The following RBBP6 variants were observed in gnomAD, a reference collection of about 807,000 sequenced individuals.
RBBP6 encodes E3 ubiquitin-protein ligase RBBP6.
A neutral mutation model predicts 167.7 loss-of-function variants in RBBP6; 25 were observed. The ratio of observed to expected loss-of-function variants is 0.15; its 90% CI spans 0.11 to 0.21. The LOEUF (loss-of-function observed/expected upper bound fraction) is 0.21, where lower values mean the gene tolerates loss of function less well. RBBP6 is among the 10% of genes least tolerant of loss of function. The pLI is 1.00. For missense variants in RBBP6, 1,868 were observed against 2,134.2 expected (o/e 0.88, Z 2.46); for synonymous variants, 789 against 735.8 (o/e 1.07, Z -1.17).
intron 4 of RBBP6, 77 bp downstream of exon 4, chr16:24,553,634 A>G: frequency 8.1e-7 from 1 of 1,227,814 alleles, no homozygotes; most frequent in Non-Finnish European, 1.1e-6. Context: ...CGGTTTTTTA[A>G]GAGGGGTTGG....
chr16:24,549,725 C>A (rs918401120), intron 3 of RBBP6, among the ~76,000 whole-genome samples: 2 of 151,798 alleles, frequency 1.3e-5, no homozygotes, highest in Admixed American at 1.3e-4. Flanking sequence ...ATATTGTTTT[C>A]AAAGTTTAAT....
At chr16:24,568,519 C>T in intron 16 of RBBP6, among the ~76,000 whole-genome samples, 1 of 152,214 alleles carries the variant, frequency 6.6e-6, no homozygotes, top group Non-Finnish European at 1.5e-5. Context: ...TAATGCACTT[C>T]ACTCTAATTG....
intron 3 of RBBP6, chr16:24,549,469 C>T (rs1898744341): frequency 2.6e-6 from 2 of 765,554 alleles, no homozygotes; most frequent in African/African-American, 3.8e-5. Context: ...TGATTTATGG[C>T]TTCCAAAAAC....
intron 4 of RBBP6, 175 bp downstream of exon 4, chr16:24,553,732 T>C (rs2141463625): frequency 4.9e-6 from 2 of 409,044 alleles, no homozygotes; most frequent in Non-Finnish European, 8.7e-6. Context: ...GGGAATACTT[T>C]GTCAGCCTCA....
intron 1 of RBBP6, among the ~76,000 whole-genome samples, 177 bp downstream of exon 1, chr16:24,540,969 G>T (rs1226740526): frequency 6.6e-6 from 1 of 152,018 alleles, no homozygotes; most frequent in Non-Finnish European, 1.5e-5. Flanking sequence ...AGTTTCACTG[G>T]TTTATTTTAT....
intron 2 of RBBP6, among the ~76,000 whole-genome samples, chr16:24,547,993 T>C (rs544597699): frequency 5.3e-5 from 8 of 151,056 alleles, no homozygotes; most frequent in African/African-American, 1.7e-4. Flanking sequence ...AAAATGCATC[T>C]CAGTTTTTTT....
At chr16:24,564,406 C>G (rs1479297538) in intron 13 of RBBP6, among the ~76,000 whole-genome samples, 6 of 152,148 alleles carry the variant, frequency 3.9e-5, no homozygotes, top group Admixed American at 3.9e-4. Context: ...TCCCTAACAT[C>G]CATTTCCTCG....
Position 24,542,264 on chromosome 16 carries a change from A to G in RBBP6, c.166+1472A>G, listed in dbSNP as rs140516433. Among the ~76,000 whole-genome samples, 162 of 152,328 alleles carry G rather than the reference A, an allele frequency of 1.1e-3. 2 individuals are homozygous for G. In the East Asian group the frequency reaches 0.028, roughly 27 times the overall value. On this transcript the variant is annotated intron_variant, in intron 1 of 17. Transcript: ENST00000319715. ...CACATTTCACAGAACAGATGGGTTT[A>G]TAAGAAGTTTGGGCCATCTTGACAT...
rs1183935546 is a variant in RBBP6, at chr16:24,570,250, A to C, written c.3560A>C (p.Asp1187Ala). The change falls in exon 17 of 18, where the codon GAT becomes GCT. Residue 1187 changes from aspartate to alanine, a missense_variant. This residue lies in a region of RBBP6 where 673 missense variants were observed against 691.5 expected (regional missense o/e 0.97). Transcript: ENST00000319715. ...KPSPKRKMEP[D>A]TEKMDRTPEK... Reference sequence around the variant, plus strand: ...TCACCAAAGCGCAAAATGGAACCTGATACTGAAAAAATGGATAGGACCCCT... The same window carrying C: ...TCACCAAAGCGCAAAATGGAACCTGCTACTGAAAAAATGGATAGGACCCCT... 1 of 1,613,040 alleles carries C rather than the reference A, an allele frequency of 6.2e-7. No individual in the cohort carries two copies. Among genetic ancestry groups the C allele is most frequent in the South Asian group, 1.1e-5 (1 of 90,548 alleles).
intron 8 of RBBP6, among the ~76,000 whole-genome samples, chr16:24,561,288 C>T (rs1266610878): frequency 6.6e-6 from 1 of 151,652 alleles, no homozygotes; most frequent in African/African-American, 2.4e-5. Flanking sequence ...GGGATCCTTG[C>T]TATTTTGCCC....
chr16:24,563,618 A>G lies in RBBP6; in HGVS notation c.1474A>G (p.Arg492Gly). 1.2e-6 allele frequency: 2 copies of G among 1,612,460 alleles called. No homozygotes were observed. Among genetic ancestry groups the G allele is most frequent in the Non-Finnish European group, 1.7e-6 (2 of 1,179,732 alleles). ...TTATTTTTTGTTTCTAGGTCCAGTA[A>G]GAATAAATACTGCTCGTCCAGGTGG... The part of the protein sequence containing the change: ...GQLIPTTGPV[R>G]INTARPGGGR... Residue 492 changes from arginine to glycine, a missense_variant, in exon 13 of 18, where the codon AGA becomes GGA. By Grantham distance (125) the Arg-to-Gly change is moderately radical (BLOSUM62 -2). Around this residue, in one of 7 missense-constraint regions of RBBP6, gnomAD observed 245 missense variants for 240.1 expected, o/e 1.02. Coordinates refer to ENST00000319715, the MANE Select transcript of RBBP6 (RefSeq NM_006910.5).
intron 2 of RBBP6, 59 bp from the exon 3 acceptor site, chr16:24,548,886 A>G: frequency 1.4e-6 from 2 of 1,411,056 alleles, no homozygotes; most frequent in Non-Finnish European, 2.0e-6. Flanking sequence ...GTTAAAATTT[A>G]TTAGCACAAA....
At chr16:24,547,502 G>A (rs1898687875) in intron 2 of RBBP6, among the ~76,000 whole-genome samples, 1 of 152,004 alleles carries the variant, frequency 6.6e-6, no homozygotes, top group South Asian at 2.1e-4. Flanking sequence ...TCACTCTGTT[G>A]CCCAGCCTGG....
In RBBP6 at chr16:24,572,620, T is replaced by G; in HGVS notation, c.*175T>G. On this transcript the variant is annotated 3_prime_UTR_variant, in exon 18 of 18. Transcript: ENST00000319715. ...CAGAGCTTTATAACACGAACTTTTG[T>G]ACAGAATTGTGAGTTGTGACCATGT... 1 of 937,766 alleles carries G rather than the reference T, an allele frequency of 1.1e-6. No homozygotes were observed. Among genetic ancestry groups the G allele is most frequent in the Non-Finnish European group, 1.5e-6 (1 of 667,054 alleles). The allele number at this position is 937,766 out of a possible 1,614,324, so 58.1% of individuals were successfully genotyped here.
At position 24,570,480 on chromosome 16, in the gene RBBP6, A is replaced by G; in HGVS notation, c.3790A>G (p.Thr1264Ala). The G allele has an allele frequency of 1.3e-6, 2 of 1,585,820 alleles. No individual in the cohort carries two copies. Among genetic ancestry groups the G allele is most frequent in the African/African-American group, 1.4e-5 (1 of 73,158 alleles). ...GACTGGAACTGAAGGATCCAGCTCA[A>G]CTCTGGTGGATTACACCAGGTAGCT... ...KVTGTEGSSS[T>A]LVDYTSTSST... The change falls in exon 17 of 18, where the codon ACT (threonine) becomes GCT (alanine). Residue 1264 changes from threonine (T) to alanine (A), a missense_variant. Physicochemically the swap from Thr to Ala is moderately conservative, Grantham distance 58. Transcript: ENST00000319715.
intron 8 of RBBP6, among the ~76,000 whole-genome samples, chr16:24,561,079 C>CTA (rs1899042498): frequency 2.6e-5 from 4 of 152,106 alleles, no homozygotes; most frequent in African/African-American, 9.7e-5. Context: ...ACGTACTGTG[C>CTA]TGTAGGTCTC....
At chr16:24,544,004 C>A (rs1393464689) in intron 1 of RBBP6, among the ~76,000 whole-genome samples, 1 of 152,084 alleles carries the variant, frequency 6.6e-6, no homozygotes, top group African/African-American at 2.4e-5. Flanking sequence ...GTCTTTATTA[C>A]CCCTAGAAAG....
intron 13 of RBBP6, 38 bp downstream of exon 13, chr16:24,563,702 T>A (rs1899126324): frequency 3.2e-6 from 5 of 1,586,312 alleles, no homozygotes; most frequent in Non-Finnish European, 4.3e-6. Context: ...GATGATTGCC[T>A]GCAAACTAGA....
At position 24,555,712 on chromosome 16, in the gene RBBP6, A is replaced by G. The variant is rs930406089; in HGVS notation, c.437+9A>G. On this transcript the variant is annotated intron_variant, in intron 5 of 17. Transcript: ENST00000319715. ...GAATACGACCCAATCAAGTAAGTTC[A>G]TAAATATTTTATACTAATAGGAACT... is the stretch of plus-strand genomic sequence containing the variant. 1.9e-6 allele frequency: 3 copies of G among 1,610,230 alleles called. No individual in the cohort carries two copies. The highest frequency in any genetic ancestry group is 1.3e-5 in the African/African-American group (1 of 74,704).
Sources: gnomAD v4.1 joint callset for allele counts (sites outside exome capture counted in the v4.1 genomes callset) on GRCh38, gnomAD v4.1.1 for gene constraint, gnomAD v4.1.1 regional missense constraint, MANE v1.5 for transcripts, NCBI Gene and HGNC (gene_info 2026-07-23, HGNC 2026-07-21) for gene names.